Variants in PDZRN3 observed in about 807,000 individuals in gnomAD.
PDZRN3 encodes the protein E3 ubiquitin-protein ligase PDZRN3.
PDZRN3 carries 38 observed loss-of-function variants against 85.7 expected under a neutral mutation model. That is an observed-to-expected ratio of 0.44 (90% CI 0.34 to 0.58). PDZRN3 has a LOEUF of 0.58. Among genes scored for constraint, PDZRN3 ranks in the 20% least tolerant of loss-of-function variants. The pLI is 0.01. For missense variants in PDZRN3, 1,629 were observed against 1,506.4 expected (o/e 1.08, Z -1.35); for synonymous variants, 759 against 638.0 (o/e 1.19, Z -2.86).
In PDZRN3 at chr3:73,384,022, G is replaced by A. The variant is rs199550626; in HGVS notation, c.2544C>T (p.Ser848=). The change falls in exon 10 of 10, where the codon AGC becomes AGT. Residue 848 remains serine (S), a synonymous_variant. Coordinates refer to ENST00000263666, the MANE Select transcript of PDZRN3 (RefSeq NM_015009.3). ...TGCCCAGCTTCTGGCTGGGCGTGGG[G>A]CTCCGGCTCCCGTCGCTGGCTCTCC... ...KERRASDGSR[S]PTPSQKLGSA... 1.2e-5 allele frequency: 19 copies of A among 1,591,804 alleles called. No homozygotes were observed. Among genetic ancestry groups the A allele is most frequent in the Non-Finnish European group, 1.5e-5 (18 of 1,170,788 alleles).
At chr3:73,565,786 AACACACACACACACACACACAC>A (rs61564723) in intron 3 of PDZRN3, among the ~76,000 whole-genome samples, 2 of 37,914 alleles carry the variant, frequency 5.3e-5, no homozygotes, top group South Asian at 1.6e-3. Flanking sequence ...AAAAATACAA[AACACACACACACACACACACAC>A]ACACACACAC....
chr3:73,421,405 CTG>C (rs1043062260), intron 3 of PDZRN3, among the ~76,000 whole-genome samples: 2 of 152,170 alleles, frequency 1.3e-5, no homozygotes, highest in Non-Finnish European at 2.9e-5. Context: ...GGGAGGTCCT[CTG>C]AAGTAGGACA....
intron 3 of PDZRN3, chr3:73,433,788 G>A: frequency 1.3e-6 from 2 of 1,520,564 alleles, no homozygotes; most frequent in Admixed American, 4.1e-5. Context: ...AGGCATTGAA[G>A]GTATCCTTGG....
intron 2 of PDZRN3, among the ~76,000 whole-genome samples, chr3:73,605,027 C>T (rs1462357575): frequency 1.3e-5 from 2 of 152,076 alleles, no homozygotes; most frequent in African/African-American, 4.8e-5. Flanking sequence ...TCAAGACCAG[C>T]CTGAACAACA....
At chr3:73,585,790 G>T (rs1032001387) in intron 3 of PDZRN3, among the ~76,000 whole-genome samples, 6 of 152,176 alleles carry the variant, frequency 3.9e-5, no homozygotes, top group Admixed American at 2.0e-4. Context: ...GCCAAAACGG[G>T]TTTTGACAGG....
rs928406818 is a variant in PDZRN3 at position 73,382,562 on chromosome 3, C to A, written c.*803G>T. On this transcript the variant is annotated 3_prime_UTR_variant, in exon 10 of 10. Coordinates refer to ENST00000263666, the MANE Select transcript of PDZRN3 (RefSeq NM_015009.3). ...TTGTAACTAATCATGATTTTGTGAA[C>A]TTGCCTGTATAAGTCTGTACCTTCA... 2.0e-5 allele frequency: 3 copies of A among 152,586 alleles called. No homozygotes were observed. The highest frequency in any genetic ancestry group is 6.5e-5 in the Admixed American group (1 of 15,270). 9.5% of individuals were successfully genotyped at this position (152,586 alleles called of 1,614,324 possible).
chr3:73,437,123 T>C (rs892589709), intron 3 of PDZRN3, among the ~76,000 whole-genome samples: 1 of 151,842 alleles, frequency 6.6e-6, no homozygotes, highest in Non-Finnish European at 1.5e-5. Context: ...ATATTTATCA[T>C]ATTAGAAATA....
rs1473629835 is a variant in PDZRN3, at chr3:73,600,329, A to T, written c.918+2025T>A. Among the ~76,000 whole-genome samples the T allele has an allele frequency of 7.3e-5, 7 of 96,448 alleles. No individual in the cohort carries two copies. The East Asian group carries it at 1.4e-3, about 19-fold the overall frequency. The allele number at this position is 96,448 out of a possible 152,430, so 63.3% of individuals were successfully genotyped here. A position where few individuals can be genotyped will look rare whatever the true frequency, so the allele number is the denominator to read the frequency against. On this transcript the variant is annotated intron_variant, in intron 3 of 9. Transcript: ENST00000263666. ...AACACACACACACACACACACACACACACACACACTCTCTCTCTCTCTCTC... is the reference window on the plus strand; with the variant it reads ...AACACACACACACACACACACACACTCACACACACTCTCTCTCTCTCTCTC...
At chr3:73,601,282 T>G (rs141443465) in intron 3 of PDZRN3, among the ~76,000 whole-genome samples, 1 of 152,236 alleles carries the variant, frequency 6.6e-6, no homozygotes, top group African/African-American at 2.4e-5. Flanking sequence ...ACTTCACTTA[T>G]GGCTTAGCTC....
At chr3:73,452,055 GTTAGCTCAGCTATGGGCTAA>G (rs1315077075) in intron 3 of PDZRN3, among the ~76,000 whole-genome samples, 17 of 152,194 alleles carry the variant, frequency 1.1e-4, no homozygotes, top group Non-Finnish European at 1.6e-4. Flanking sequence ...TTATGGGCTA[GTTAGCTCAGCTATGGGCTAA>G]TTAGCTCAGC....
intron 3 of PDZRN3, chr3:73,408,057 G>C (rs781225762): frequency 1.5e-6 from 1 of 668,538 alleles, no homozygotes; most frequent in African/African-American, 1.8e-5. Context: ...TGACAACTGT[G>C]CCCAAGAAAA....
At chr3:73,556,992 C>T (rs1220050394) in intron 3 of PDZRN3, 1 of 152,202 alleles carries the variant, frequency 6.6e-6, no homozygotes, top group African/African-American at 2.4e-5. Flanking sequence ...CCTGTCCCTC[C>T]TATTACTGAG....
chr3:73,392,352 G>C (rs868426598), intron 5 of PDZRN3, among the ~76,000 whole-genome samples: 1 of 152,234 alleles, frequency 6.6e-6, no homozygotes, highest in Non-Finnish European at 1.5e-5. Context: ...TTTTAAGTGA[G>C]GACTGCCATG....
chr3:73,386,850 G>A (rs1701403297), intron 8 of PDZRN3, among the ~76,000 whole-genome samples: 1 of 88,118 alleles, frequency 1.1e-5, no homozygotes, highest in South Asian at 3.1e-4. Context: ...GTATGCCACT[G>A]TCTGTCTCTC....
At chr3:73,592,156 T>C (rs1269903850) in intron 3 of PDZRN3, among the ~76,000 whole-genome samples, 1 of 152,176 alleles carries the variant, frequency 6.6e-6, no homozygotes, top group African/African-American at 2.4e-5. Flanking sequence ...TGGATGTGCG[T>C]TGCATTTATC....
At chr3:73,582,976 G>A (rs909251494) in intron 3 of PDZRN3, among the ~76,000 whole-genome samples, 1 of 151,758 alleles carries the variant, frequency 6.6e-6, no homozygotes, top group Admixed American at 6.6e-5. Context: ...TGCATTTTTT[G>A]GACCAACTCA....
chr3:73,395,368 G>T (rs1003631036), intron 5 of PDZRN3, among the ~76,000 whole-genome samples: 36 of 152,218 alleles, frequency 2.4e-4, no homozygotes, highest in African/African-American at 6.8e-4. Context: ...TATGAATAAT[G>T]TAGTAGCATT....
chr3:73,583,525 G>A (rs1000506780), intron 3 of PDZRN3, among the ~76,000 whole-genome samples: 30 of 152,164 alleles, frequency 2.0e-4, no homozygotes, highest in African/African-American at 7.0e-4. Context: ...GTGATATTCT[G>A]CACCCTCCTC....
At chr3:73,524,156 G>A (rs1704463808) in intron 3 of PDZRN3, among the ~76,000 whole-genome samples, 1 of 152,098 alleles carries the variant, frequency 6.6e-6, no homozygotes, top group Non-Finnish European at 1.5e-5. Context: ...ATAGAATCCT[G>A]CAAAAAAGAA....
Sources: gnomAD v4.1 joint callset for allele counts (sites outside exome capture counted in the v4.1 genomes callset) on GRCh38, gnomAD v4.1.1 for gene constraint, MANE v1.5 for transcripts, NCBI Gene and HGNC (gene_info 2026-07-23, HGNC 2026-07-21) for gene names.